Variants in ABCA3 observed in about 807,000 individuals in gnomAD.
ABCA3 encodes phospholipid-transporting ATPase ABCA3.
A neutral mutation model predicts 172.8 loss-of-function variants in ABCA3; 88 were observed. The ratio of observed to expected loss-of-function variants is 0.51; its 90% CI spans 0.43 to 0.61. The LOEUF is 0.61. ABCA3 is among the 20% of genes least tolerant of loss of function. ABCA3 has a pLI of 0.00. For missense variants in ABCA3, 2,164 were observed against 2,301.0 expected (o/e 0.94, Z 1.22); for synonymous variants, 1,066 against 983.8 (o/e 1.08, Z -1.56).
Position 2,278,585 on chromosome 16 carries a change from A to G in ABCA3, c.4548-127T>C. 2 of 1,280,212 alleles carry G rather than the reference A, an allele frequency of 1.6e-6. No homozygotes were observed. Among genetic ancestry groups the G allele is most frequent in the Non-Finnish European group, 2.2e-6 (2 of 916,846 alleles). 79.3% of individuals were successfully genotyped at this position (1,280,212 alleles called of 1,614,324 possible). ...CAATTGCAGAACAGCCCTAGTGAAG[A>G]GGAAGGAGCTGTGTGTGCACCTGGA... is the stretch of plus-strand genomic sequence containing the variant. On this transcript the variant is annotated intron_variant, in intron 29 of 32. Transcript: ENST00000301732. The surrounding 1 kb of genome is among the most constrained non-coding windows in gnomAD (Gnocchi z 4.4).
At chr16:2,334,674 AC>A (rs1485300091) in intron 1 of ABCA3, among the ~76,000 whole-genome samples, 2 of 150,782 alleles carry the variant, frequency 1.3e-5, no homozygotes, top group Admixed American at 1.3e-4. Flanking sequence ...CCGCCACCAC[AC>A]CCAGCTAATT....
rs1453744476 is a variant in ABCA3, at chr16:2,284,736, C to T, written c.3703+43G>A. ...CCTCCCTGTCTGGGCGGAGTGGCTC[C>T]GTGGATGGCCATGGGGGCTGCGGGT... On this transcript the variant is annotated intron_variant, in intron 24 of 32. Coordinates refer to ENST00000301732, the MANE Select transcript of ABCA3 (RefSeq NM_001089.3). The surrounding 1 kb of genome is among the most constrained non-coding windows in gnomAD (Gnocchi z 5.9). The T allele has an allele frequency of 2.5e-6, 4 of 1,585,942 alleles. No individual in the cohort carries two copies. Among genetic ancestry groups the T allele is most frequent in the Non-Finnish European group, 2.6e-6 (3 of 1,165,186 alleles).
At chr16:2,299,312 G>T in intron 14 of ABCA3, 91 bp downstream of exon 14, 3 of 1,572,908 alleles carry the variant, frequency 1.9e-6, no homozygotes, top group Non-Finnish European at 1.7e-6. Flanking sequence ...AGGCCCGAAA[G>T]CCCCATTGAG....
At chr16:2,329,246 T>C (rs1465351212) in intron 2 of ABCA3, among the ~76,000 whole-genome samples, 2 of 152,188 alleles carry the variant, frequency 1.3e-5, no homozygotes, top group Non-Finnish European at 2.9e-5. Flanking sequence ...AGAAGACCTG[T>C]CTCAAAGTCA....
intron 19 of ABCA3, among the ~76,000 whole-genome samples, chr16:2,291,701 G>A (rs1034090414): frequency 7.2e-5 from 11 of 152,172 alleles, no homozygotes; most frequent in Admixed American, 3.9e-4. Context: ...GCCACTGCCC[G>A]CCCCACCCCA....
chr16:2,281,630 G>T lies in ABCA3; in HGVS notation c.4036-121C>A, dbSNP rs184205375. 3.9e-6 allele frequency: 5 copies of T among 1,285,674 alleles called. No homozygotes were observed. Among genetic ancestry groups the T allele is most frequent in the Non-Finnish European group, 4.4e-6 (4 of 909,796 alleles). The allele number at this position is 1,285,674 out of a possible 1,614,324, so 79.6% of individuals were successfully genotyped here. ...GGGACTAAGGCCTTCAAGGCTTCTC[G>T]TCCCAATCTCAGGCCCCACAGGTGC... On this transcript the variant is annotated intron_variant, in intron 26 of 32. Transcript: ENST00000301732. This position sits in a 1 kb window ranked among gnomAD's most constrained non-coding sequence, Gnocchi z 4.7.
At chr16:2,293,663 G>A (rs1409239934) in intron 18 of ABCA3, among the ~76,000 whole-genome samples, 7 of 151,092 alleles carry the variant, frequency 4.6e-5, no homozygotes, top group African/African-American at 9.7e-5. Context: ...TCAGCCTCCC[G>A]AGTAGCTGGG....
chr16:2,306,952 T>A (rs558566454), intron 11 of ABCA3, among the ~76,000 whole-genome samples: 2 of 147,180 alleles, frequency 1.4e-5, no homozygotes, highest in South Asian at 4.3e-4. Flanking sequence ...GAGGCGGAGC[T>A]TGCAGTGAGC....
rs890213567 is a variant in ABCA3 at position 2,283,249 on chromosome 16, G to A, written c.3972C>T (p.Ile1324=). The A allele has an allele frequency of 3.7e-6, 6 of 1,613,342 alleles. No individual in the cohort carries two copies. The highest frequency in any genetic ancestry group is 2.7e-5 in the African/African-American group (2 of 74,924). The change falls in exon 26 of 33, where the codon ATC becomes ATT. Residue 1324 remains isoleucine, a synonymous_variant. Transcript: ENST00000301732. The surrounding 1 kb of genome is among the most constrained non-coding windows in gnomAD (Gnocchi z 5.4). ...GCAYLILLFL[I]ETNLLQRLRG... is the part of the protein sequence containing the mutation. ...TGAGTCTCTGAAGCAGGTTGGTCTC[G>A]ATGAGGAAGAGCAGGATGAGGTAGG...
In ABCA3 at chr16:2,281,546, A is replaced by G; in HGVS notation, c.4036-37T>C. 1 of 1,336,446 alleles carries G rather than the reference A, an allele frequency of 7.5e-7. No homozygotes were observed. The highest frequency in any genetic ancestry group is 1.0e-6 in the Non-Finnish European group (1 of 998,090). 82.8% of individuals were successfully genotyped at this position (1,336,446 alleles called of 1,614,324 possible). A position where few individuals can be genotyped will look rare whatever the true frequency, so the allele number is the denominator to read the frequency against. On this transcript the variant is annotated intron_variant, in intron 26 of 32. Transcript: ENST00000301732. This position sits in a 1 kb window ranked among gnomAD's most constrained non-coding sequence, Gnocchi z 4.7. ...GGACAAAGACCGCATGCGTGAACCC[A>G]GCCGCAGGGCGGCTTCCGTGGAGAA...
intron 19 of ABCA3, among the ~76,000 whole-genome samples, chr16:2,291,801 C>T (rs1055036633): frequency 6.6e-6 from 1 of 152,132 alleles, no homozygotes; most frequent in African/African-American, 2.4e-5. Flanking sequence ...CGGCTGAGCA[C>T]GGTGCCTCAC....
chr16:2,334,129 C>T (rs2093747800), intron 1 of ABCA3, among the ~76,000 whole-genome samples: 1 of 152,100 alleles, frequency 6.6e-6, no homozygotes, highest in African/African-American at 2.4e-5. Context: ...AGACAGCGAG[C>T]AAGACAGGGA....
In ABCA3 at chr16:2,283,275, C is replaced by T. The variant is rs749616680; in HGVS notation, c.3946G>A (p.Ala1316Thr). The T allele has an allele frequency of 1.7e-5, 28 of 1,613,252 alleles. No homozygotes were observed. Among genetic ancestry groups the T allele is most frequent in the Middle Eastern group, 1.6e-4 (1 of 6,076 alleles). ...ATGAGGAAGAGCAGGATGAGGTAGG[C>T]GCACCCTGAGGCGGCCATGGAGGCC... The part of the protein sequence containing the change: ...FVASMAASGC[A>T]YLILLFLIET... Residue 1316 changes from alanine to threonine, a missense_variant, in exon 26 of 33, where the codon GCC becomes ACC. By Grantham distance (58) the Ala-to-Thr change is moderately conservative. This residue lies in a region of ABCA3 where 795 missense variants were observed against 881.9 expected (regional missense o/e 0.90). Transcript: ENST00000301732. The surrounding 1 kb of genome is among the most constrained non-coding windows in gnomAD (Gnocchi z 5.4).
In ABCA3 at chr16:2,277,731, TG is replaced by T. The variant is rs2093648656; in HGVS notation, c.4910-62del. The T allele has an allele frequency of 6.8e-6, 11 of 1,606,022 alleles. No individual in the cohort carries two copies. The highest frequency in any genetic ancestry group is 9.4e-6 in the Non-Finnish European group (11 of 1,175,588). ...GGGCTGGAGGATCGGGGAGGGTGCC[TG>T]GGTGCTCAGCACTGGAGTCCTCGTC... On this transcript the variant is annotated intron_variant, in intron 31 of 32. Coordinates refer to ENST00000301732, the MANE Select transcript of ABCA3 (RefSeq NM_001089.3). The surrounding 1 kb of genome is among the most constrained non-coding windows in gnomAD (Gnocchi z 5.3).
chr16:2,298,764 G>A (rs1468220806), intron 14 of ABCA3, among the ~76,000 whole-genome samples: 2 of 152,138 alleles, frequency 1.3e-5, no homozygotes, highest in South Asian at 2.1e-4. Context: ...AGCTGGTCAG[G>A]GAGGAGAAAC....
Position 2,284,741 on chromosome 16 carries a change from A to C in ABCA3, c.3703+38T>G. 2 of 1,593,004 alleles carry C rather than the reference A, an allele frequency of 1.3e-6. No individual in the cohort carries two copies. Among genetic ancestry groups the C allele is most frequent in the Non-Finnish European group, 1.7e-6 (2 of 1,168,634 alleles). ...CTGTCTGGGCGGAGTGGCTCCGTGG[A>C]TGGCCATGGGGGCTGCGGGTGGTCT... On this transcript the variant is annotated intron_variant, in intron 24 of 32. Transcript: ENST00000301732. This position sits in a 1 kb window ranked among gnomAD's most constrained non-coding sequence, Gnocchi z 5.9.
rs559269686 is a variant in ABCA3, at chr16:2,324,388, C to G, written c.447+16G>C. ...GCTGATGGGCTGTGACTGCTCGGCC[C>G]GGCCGCACGTCTCACCGCCAGCGGC... On this transcript the variant is annotated intron_variant, in intron 6 of 32. Coordinates refer to ENST00000301732, the MANE Select transcript of ABCA3 (RefSeq NM_001089.3). The G allele has an allele frequency of 3.8e-6, 6 of 1,581,282 alleles. No individual in the cohort carries two copies. Among genetic ancestry groups the G allele is most frequent in the Non-Finnish European group, 5.1e-6 (6 of 1,170,210 alleles).
At chr16:2,331,006 T>C (rs2093742325) in intron 1 of ABCA3, among the ~76,000 whole-genome samples, 3 of 152,238 alleles carry the variant, frequency 2.0e-5, no homozygotes, top group Admixed American at 2.0e-4. Flanking sequence ...AGCAAGAAGC[T>C]GCCAAGTCAG....
At chr16:2,302,875 G>A (rs979238263) in intron 12 of ABCA3, among the ~76,000 whole-genome samples, 1 of 150,978 alleles carries the variant, frequency 6.6e-6, no homozygotes, top group Admixed American at 6.6e-5. Context: ...TGCAACCTCC[G>A]CCTTCCGGGT....
Sources: gnomAD v4.1 joint callset for allele counts (sites outside exome capture counted in the v4.1 genomes callset) on GRCh38, gnomAD v4.1.1 for gene constraint, gnomAD v4.1.1 regional missense constraint, Gnocchi (gnomAD v3.1) non-coding constraint, MANE v1.5 for transcripts, NCBI Gene and HGNC (gene_info 2026-07-23, HGNC 2026-07-21) for gene names.